The following YWHAG variants were observed in gnomAD, a reference collection of about 807,000 sequenced individuals.
YWHAG encodes tyrosine 3-monooxygenase/tryptophan 5-monooxygenase activation protein gamma, also known as 14-3-3 protein gamma.
YWHAG carries 1 observed loss-of-function variant against 23.3 expected under a neutral mutation model. That is an observed-to-expected ratio of 0.04 (90% CI 0.02 to 0.20). The LOEUF (loss-of-function observed/expected upper bound fraction) is 0.20, where lower values mean the gene tolerates loss of function less well. Ranked by LOEUF, YWHAG falls within the 10% of genes least tolerant of loss-of-function variation. The pLI is 1.00. For missense variants in YWHAG, 151 were observed against 338.6 expected, an observed-to-expected ratio of 0.45 and a Z score of 4.35; for synonymous variants, 160 against 144.0, an observed-to-expected ratio of 1.11 and a Z score of -0.80.
intron 1 of YWHAG, among the ~76,000 whole-genome samples, chr7:76,344,840 T>G (rs73703145): frequency 0.013 from 1,962 of 152,322 alleles, 44 homozygotes; most frequent in African/African-American, 0.044. Context: ...CAGTCCCCAC[T>G]CTTACCTATA....
chr7:76,352,931 G>A lies in YWHAG; in HGVS notation c.87+5791C>T, dbSNP rs989247454. On this transcript the variant is annotated intron_variant, in intron 1 of 1. Transcript: ENST00000307630. ...CTCCCAAAGTGCTGGGATTACAGGC[G>A]TGAGCCACTACATCCGGCCCATAAC... 5.9e-5 allele frequency among the ~76,000 whole-genome samples: 9 copies of A among 152,144 alleles called. No homozygotes were observed. The East Asian group carries it at 9.6e-4, about 16-fold the overall frequency.
intron 1 of YWHAG, among the ~76,000 whole-genome samples, chr7:76,348,951 T>C (rs1000419932): frequency 6.6e-6 from 1 of 152,164 alleles, no homozygotes; most frequent in African/African-American, 2.4e-5. Context: ...AAAACTGTTG[T>C]GAAATTAAAT....
At chr7:76,351,713 T>G (rs887911385) in intron 1 of YWHAG, among the ~76,000 whole-genome samples, 2 of 152,236 alleles carry the variant, frequency 1.3e-5, no homozygotes, top group Non-Finnish European at 2.9e-5. Context: ...GATCTGTCAC[T>G]GTCTCCCATC....
chr7:76,345,456 G>T (rs1186736926), intron 1 of YWHAG, among the ~76,000 whole-genome samples: 2 of 151,990 alleles, frequency 1.3e-5, no homozygotes, highest in East Asian at 3.9e-4. Flanking sequence ...AAAGTGCTGG[G>T]ATTACAGGCG....
chr7:76,333,149 C>T (rs995972403), intron 1 of YWHAG, among the ~76,000 whole-genome samples: 1 of 151,420 alleles, frequency 6.6e-6, no homozygotes, highest in Admixed American at 6.6e-5. Flanking sequence ...TTGTATTTTT[C>T]TGTAGAGACA....
At chr7:76,341,336 G>A (rs900692117) in intron 1 of YWHAG, among the ~76,000 whole-genome samples, 3 of 150,276 alleles carry the variant, frequency 2.0e-5, no homozygotes, top group Admixed American at 6.7e-5. Flanking sequence ...CCCAGGAGGC[G>A]GAGGCTGTAG....
At chr7:76,352,215 TAG>T (rs1259253349) in intron 1 of YWHAG, among the ~76,000 whole-genome samples, 1 of 152,240 alleles carries the variant, frequency 6.6e-6, no homozygotes, top group Non-Finnish European at 1.5e-5. Flanking sequence ...ATGGTAGCTT[TAG>T]AGTCATATGA....
At chr7:76,331,066 A>T (rs1482780591) in intron 1 of YWHAG, among the ~76,000 whole-genome samples, 1 of 152,244 alleles carries the variant, frequency 6.6e-6, no homozygotes, top group Non-Finnish European at 1.5e-5. Flanking sequence ...TGGTTTCTAT[A>T]GTATCAGAGT....
intron 1 of YWHAG, among the ~76,000 whole-genome samples, chr7:76,338,832 C>A (rs1563664385): frequency 6.6e-6 from 1 of 152,204 alleles, no homozygotes; most frequent in Non-Finnish European, 1.5e-5. Context: ...AGGCACGTAT[C>A]CACTGGTCAT....
chr7:76,344,863 G>C (rs1344829032), intron 1 of YWHAG, among the ~76,000 whole-genome samples: 1 of 152,152 alleles, frequency 6.6e-6, no homozygotes, highest in East Asian at 1.9e-4. Flanking sequence ...ACTTACTCTT[G>C]AATACTGTCC....
chr7:76,346,961 G>A (rs772534507), intron 1 of YWHAG, among the ~76,000 whole-genome samples: 17 of 151,960 alleles, frequency 1.1e-4, no homozygotes, highest in Non-Finnish European at 2.2e-4. Flanking sequence ...AACAAATCAC[G>A]CCACCAGTTC....
At chr7:76,339,742 T>C (rs1803663370) in intron 1 of YWHAG, among the ~76,000 whole-genome samples, 1 of 152,152 alleles carries the variant, frequency 6.6e-6, no homozygotes, top group Non-Finnish European at 1.5e-5. Context: ...ACTTTTACAA[T>C]GACCCACTTC....
chr7:76,340,570 G>A (rs1327583516), intron 1 of YWHAG, among the ~76,000 whole-genome samples: 1 of 152,148 alleles, frequency 6.6e-6, no homozygotes, highest in Non-Finnish European at 1.5e-5. Flanking sequence ...AATCATTTAT[G>A]ATTAAGTATC....
intron 1 of YWHAG, among the ~76,000 whole-genome samples, chr7:76,353,529 AGTTTTC>A: frequency 6.6e-6 from 1 of 152,310 alleles, no homozygotes; most frequent in South Asian, 2.1e-4. Flanking sequence ...TTTTTAAATC[AGTTTTC>A]GTGTAACTAA....
rs199895820 is a variant in YWHAG at position 76,348,886 on chromosome 7, AT to A, written c.87+9835del. The stretch of plus-strand genomic sequence containing the variant: ...TGAGCCTTAGACTTTGAAAAAAAAA[AT>A]TTTAAGGCAAATTAAACATTTCCAC... On this transcript the variant is annotated intron_variant, in intron 1 of 1. Coordinates refer to ENST00000307630, the MANE Select transcript of YWHAG (RefSeq NM_012479.4). Among the ~76,000 whole-genome samples the A allele has an allele frequency of 7.1e-4, 101 of 142,568 alleles. 1 individual carries two copies. The highest frequency in any genetic ancestry group is 2.6e-3 in the African/African-American group (99 of 37,380). 93.5% of individuals were successfully genotyped at this position (142,568 alleles called of 152,430 possible). A position where few individuals can be genotyped will look rare whatever the true frequency, so the allele number is the denominator to read the frequency against.
rs1015235686 is a variant in YWHAG, at chr7:76,329,503, G to A, written c.*74C>T. 5.3e-5 allele frequency: 25 copies of A among 470,196 alleles called. No homozygotes were observed. The highest frequency in any genetic ancestry group is 3.1e-4 in the Admixed American group (9 of 29,030). The allele number at this position is 470,196 out of a possible 1,614,324, so 29.1% of individuals were successfully genotyped here. A position where few individuals can be genotyped will look rare whatever the true frequency, so the allele number is the denominator to read the frequency against. Reference sequence around the variant, plus strand: ...ATCCCTCCCTTTCCCTCCCCCACCCGACCCCCAACTCATGGGAAAAAAATA... The same window carrying A: ...ATCCCTCCCTTTCCCTCCCCCACCCAACCCCCAACTCATGGGAAAAAAATA... On this transcript the variant is annotated 3_prime_UTR_variant, in exon 2 of 2. Coordinates refer to ENST00000307630, the MANE Select transcript of YWHAG (RefSeq NM_012479.4). The surrounding 1 kb of genome is among the most constrained non-coding windows in gnomAD (Gnocchi z 6.1).
rs1804006960 is a variant in YWHAG at position 76,358,900 on chromosome 7, A to G, written c.-92T>C. On this transcript the variant is annotated 5_prime_UTR_variant, in exon 1 of 2. Transcript: ENST00000307630. ...CGCGACTGGAGCCCAAGTGCCGGAG[A>G]GGACCGACCCACAGAGCGAGCAGCT... 2 of 1,253,886 alleles carry G rather than the reference A, an allele frequency of 1.6e-6. No homozygotes were observed. The highest frequency in any genetic ancestry group is 1.1e-6 in the Non-Finnish European group (1 of 924,086). 77.7% of individuals were successfully genotyped at this position (1,253,886 alleles called of 1,614,324 possible).
rs79668274 is a variant in YWHAG, at chr7:76,333,696, G to A, written c.88-3463C>T. Among the ~76,000 whole-genome samples the A allele has an allele frequency of 2.1e-3, 317 of 152,342 alleles. 3 individuals carry two copies. The highest frequency in any genetic ancestry group is 7.3e-3 in the African/African-American group (302 of 41,580). On this transcript the variant is annotated intron_variant, in intron 1 of 1. Transcript: ENST00000307630. ...TTTGGAAGGAGCTGAGCCCTTGGGC[G>A]CTGCTGCCACCCATCTCTGGCATAC...
Position 76,327,413 on chromosome 7 carries a change from G to C in YWHAG, c.*2164C>G, listed in dbSNP as rs1803460557. The C allele has an allele frequency of 1.3e-5, 2 of 152,458 alleles. No individual in the cohort carries two copies. The highest frequency in any genetic ancestry group is 4.2e-4 in the South Asian group (2 of 4,818). 9.4% of individuals were successfully genotyped at this position (152,458 alleles called of 1,614,324 possible). On this transcript the variant is annotated 3_prime_UTR_variant, in exon 2 of 2. Transcript: ENST00000307630. ...TGGAGAGACAGTATCATAGGCAAGTGCATTTCTTTAAAAATAAAGAAAAGA... is the reference window on the plus strand; with the variant it reads ...TGGAGAGACAGTATCATAGGCAAGTCCATTTCTTTAAAAATAAAGAAAAGA...
Sources: gnomAD v4.1 joint callset for allele counts (sites outside exome capture counted in the v4.1 genomes callset) on GRCh38, gnomAD v4.1.1 for gene constraint, Gnocchi (gnomAD v3.1) non-coding constraint, MANE v1.5 for transcripts, NCBI Gene and HGNC (gene_info 2026-07-23, HGNC 2026-07-21) for gene names.